NCAM1: variants seen among roughly 807,000 people sequenced by gnomAD.
NCAM1 encodes antigen recognized by monoclonal antibody 5.1H11.
In NCAM1, 14 loss-of-function variants were observed where a neutral mutation model predicts 109.8. The ratio of observed to expected loss-of-function variants is 0.13; its 90% CI spans 0.08 to 0.20. NCAM1 has a LOEUF of 0.20. Among genes scored for constraint, NCAM1 ranks in the 10% least tolerant of loss-of-function variants. NCAM1 has a pLI of 1.00. For synonymous variants in NCAM1, 418 were observed against 442.9 expected, an observed-to-expected ratio of 0.94 and a Z score of 0.70; for missense variants, 774 against 1,109.9, an observed-to-expected ratio of 0.70 and a Z score of 4.30.
At chr11:112,991,468 T>C (rs1326033312) in intron 1 of NCAM1, among the ~76,000 whole-genome samples, 2 of 151,656 alleles carry the variant, frequency 1.3e-5, no homozygotes, top group Non-Finnish European at 2.9e-5. Flanking sequence ...CACTAAGTGA[T>C]TTTTTGCTGT....
At chr11:113,192,557 A>G (rs1225151208) in intron 1 of NCAM1, among the ~76,000 whole-genome samples, 1 of 152,178 alleles carries the variant, frequency 6.6e-6, no homozygotes, top group Non-Finnish European at 1.5e-5. Flanking sequence ...CAGCTTATTT[A>G]GCTGTGCTTA....
At chr11:113,268,622 A>G (rs1946193185) in intron 17 of NCAM1, among the ~76,000 whole-genome samples, 1 of 152,234 alleles carries the variant, frequency 6.6e-6, no homozygotes, top group Non-Finnish European at 1.5e-5. Flanking sequence ...CAGCCACCAG[A>G]GAAGCACTAG....
chr11:113,017,092 T>C (rs1952226013), intron 1 of NCAM1, among the ~76,000 whole-genome samples: 1 of 152,224 alleles, frequency 6.6e-6, no homozygotes, highest in South Asian at 2.1e-4. Context: ...CAACAACCTA[T>C]GAATCAGAGG....
intron 1 of NCAM1, among the ~76,000 whole-genome samples, chr11:113,116,191 C>A (rs1591339096): frequency 6.6e-6 from 1 of 152,346 alleles, no homozygotes; most frequent in Middle Eastern, 3.4e-3. Flanking sequence ...CATACTAATT[C>A]ATATATTTGT....
At chr11:113,271,909 C>T (rs899110578) in intron 19 of NCAM1, 33 bp downstream of exon 19, 19 of 1,503,922 alleles carry the variant, frequency 1.3e-5, no homozygotes, top group East Asian at 7.4e-5. Context: ...GCACCTGCTC[C>T]GTAGAGACCC....
At chr11:113,221,078 T>C (rs1292957605) in intron 8 of NCAM1, among the ~76,000 whole-genome samples, 1 of 152,218 alleles carries the variant, frequency 6.6e-6, no homozygotes, top group South Asian at 2.1e-4. Flanking sequence ...TTTTGAATTA[T>C]ACATTTTAAT....
intron 1 of NCAM1, chr11:113,041,213 T>C (rs544610146): frequency 2.0e-5 from 3 of 152,302 alleles, no homozygotes; most frequent in Admixed American, 6.5e-5. Flanking sequence ...TACTGTCTTA[T>C]TTTTTTCATT....
chr11:113,187,531 C>A (rs1555109074), intron 1 of NCAM1, among the ~76,000 whole-genome samples: 1 of 149,790 alleles, frequency 6.7e-6, no homozygotes, highest in East Asian at 2.0e-4. Context: ...ATATTGTGTA[C>A]ACTGAGGATC....
At chr11:113,058,295 A>G (rs1439607602) in intron 1 of NCAM1, among the ~76,000 whole-genome samples, 1 of 152,138 alleles carries the variant, frequency 6.6e-6, no homozygotes, top group East Asian at 1.9e-4. Context: ...AAAAAAGAAA[A>G]GAAAAAAGAA....
chr11:113,187,844 G>A lies in NCAM1; in HGVS notation c.53-14535G>A, dbSNP rs1449905885. 2.6e-5 allele frequency among the ~76,000 whole-genome samples: 4 copies of A among 152,164 alleles called. No individual in the cohort carries two copies. In the East Asian group the frequency reaches 7.7e-4, roughly 29 times the overall value. ...CGGGCCATTTATTCTGGCAACTCTGGCCCTTTAGCAGACTTGGTTGTCAGG... is the reference window on the plus strand; with the variant it reads ...CGGGCCATTTATTCTGGCAACTCTGACCCTTTAGCAGACTTGGTTGTCAGG... On this transcript the variant is annotated intron_variant, in intron 1 of 19. Coordinates refer to ENST00000316851, the MANE Select transcript of NCAM1 (RefSeq NM_181351.5).
chr11:113,002,762 T>C (rs1951790066), intron 1 of NCAM1, among the ~76,000 whole-genome samples: 1 of 152,220 alleles, frequency 6.6e-6, no homozygotes, highest in Non-Finnish European at 1.5e-5. Flanking sequence ...TGTAGACACC[T>C]TGAGGACTCC....
chr11:113,204,862 G>C (rs180812866), intron 3 of NCAM1, among the ~76,000 whole-genome samples: 3 of 152,254 alleles, frequency 2.0e-5, no homozygotes, highest in Admixed American at 2.0e-4. Flanking sequence ...GGGCTCAGTG[G>C]GGTGGGGGAT....
intron 14 of NCAM1, among the ~76,000 whole-genome samples, chr11:113,236,809 T>C (rs1353722379): frequency 6.6e-6 from 1 of 152,250 alleles, no homozygotes; most frequent in Non-Finnish European, 1.5e-5. Flanking sequence ...AGTTGCTTCC[T>C]TGCTTCTTGT....
intron 1 of NCAM1, among the ~76,000 whole-genome samples, chr11:112,996,960 A>G (rs1951611538): frequency 6.6e-6 from 1 of 152,182 alleles, no homozygotes; most frequent in African/African-American, 2.4e-5. Flanking sequence ...ACCTTGTGGT[A>G]AGGATTACTT....
At chr11:113,194,896 A>G (rs1555110553) in intron 1 of NCAM1, among the ~76,000 whole-genome samples, 2 of 152,170 alleles carry the variant, frequency 1.3e-5, no homozygotes, top group Admixed American at 1.3e-4. Flanking sequence ...TCACTTCTAG[A>G]TGTTTAGGTT....
chr11:113,055,986 T>TA (rs1953687244), intron 1 of NCAM1, among the ~76,000 whole-genome samples: 1 of 47,378 alleles, frequency 2.1e-5, no homozygotes, highest in African/African-American at 8.4e-5. Flanking sequence ...GTGATATATA[T>TA]ATATATATAT....
chr11:113,154,077 G>A (rs115990234), intron 1 of NCAM1, among the ~76,000 whole-genome samples: 1 of 152,340 alleles, frequency 6.6e-6, no homozygotes, highest in African/African-American at 2.4e-5. Context: ...GAAAATAACA[G>A]GAAGAATTGC....
intron 17 of NCAM1, chr11:113,262,774 G>A: frequency 6.5e-7 from 1 of 1,534,612 alleles, no homozygotes; most frequent in Non-Finnish European, 8.9e-7. Flanking sequence ...ACGTCACTGG[G>A]ACATCCCCAC....
At chr11:113,185,465 A>T (rs549223648) in intron 1 of NCAM1, among the ~76,000 whole-genome samples, 1 of 152,310 alleles carries the variant, frequency 6.6e-6, no homozygotes, top group East Asian at 1.9e-4. Flanking sequence ...ACCCTCACAG[A>T]CACAATCAGA....
Sources: allele counts gnomAD v4.1 joint callset (sites outside exome capture counted in the v4.1 genomes callset), GRCh38; gene constraint gnomAD v4.1.1; transcripts MANE v1.5; gene names NCBI Gene and HGNC (gene_info 2026-07-23, HGNC 2026-07-21).